CIB1: variants seen among roughly 807,000 people sequenced by gnomAD.
CIB1 encodes the protein calcium and integrin-binding protein 1.
In CIB1, 19 loss-of-function variants were observed where a neutral mutation model predicts 25.0. The ratio of observed to expected loss-of-function variants is 0.76; its 90% CI spans 0.53 to 1.12. The LOEUF (loss-of-function observed/expected upper bound fraction) is 1.12, where lower values mean the gene tolerates loss of function less well. Ranked by LOEUF, CIB1 falls within the 50% of genes most tolerant of loss-of-function variation. The pLI, the probability that CIB1 is intolerant of heterozygous loss-of-function variation, is 0.00. For missense variants in CIB1, 236 were observed against 242.6 expected (o/e 0.97, Z 0.18); for synonymous variants, 104 against 98.5 (o/e 1.06, Z -0.33).
At chr15:90,235,672 A>G (rs1363010151), upstream of CIB1, among the ~76,000 whole-genome samples, 2 of 150,516 alleles carry the variant, frequency 1.3e-5, no homozygotes, top group African/African-American at 4.9e-5. Context: ...GGTTCACGCC[A>G]TTCTTCTACC....
At chr15:90,238,726 A>T (rs937246813), upstream of CIB1, among the ~76,000 whole-genome samples, 3 of 152,202 alleles carry the variant, frequency 2.0e-5, no homozygotes, top group Non-Finnish European at 2.9e-5. Flanking sequence ...AAATGTTTCT[A>T]TGCATGACCA....
chr15:90,264,141 T>A, the CIB1 span: 1 of 804,858 alleles, frequency 1.2e-6, no homozygotes, highest in Non-Finnish European at 2.0e-6. Flanking sequence ...CCCTAAAATA[T>A]AATATGGCAC....
At chr15:90,261,380 CT>C in the CIB1 span, among the ~76,000 whole-genome samples, 58,599 of 141,262 alleles carry the variant, frequency 0.41, 12,135 homozygotes, top group East Asian at 0.7. Flanking sequence ...TGCCCGGCCA[CT>C]TTTTTTTTTT....
At chr15:90,240,839 C>T in the CIB1 span, 5 of 1,021,670 alleles carry the variant, frequency 4.9e-6, no homozygotes, top group Non-Finnish European at 1.5e-6. Flanking sequence ...TAAATAAATA[C>T]AATGACAATC....
the CIB1 span, chr15:90,256,337 C>T: frequency 6.2e-7 from 1 of 1,612,132 alleles, no homozygotes; most frequent in Non-Finnish European, 8.5e-7. Context: ...CCCTAGTCCC[C>T]AGCACTGGGC....
chr15:90,252,778 G>A, the CIB1 span, among the ~76,000 whole-genome samples: 2 of 152,114 alleles, frequency 1.3e-5, no homozygotes, highest in African/African-American at 4.8e-5. Context: ...CAAGGCAGGC[G>A]AATCTCCTGA....
chr15:90,233,307 A>C (rs551711694), intron 2 of CIB1, among the ~76,000 whole-genome samples: 2 of 152,378 alleles, frequency 1.3e-5, no homozygotes, highest in South Asian at 4.1e-4. Context: ...TTATTCAGGT[A>C]AAGTTGGGAG....
chr15:90,264,117 T>C, the CIB1 span: 2 of 1,105,354 alleles, frequency 1.8e-6, no homozygotes, highest in Non-Finnish European at 2.6e-6. Flanking sequence ...CTAGCAAGCA[T>C]AGAGCTTGGA....
chr15:90,263,027 A>G, the CIB1 span: 1 of 1,536,124 alleles, frequency 6.5e-7, no homozygotes, highest in Non-Finnish European at 8.7e-7. Context: ...GAGGAGCTGG[A>G]GCGGATGAAG....
chr15:90,265,725 C>T, the CIB1 span: 1 of 1,613,398 alleles, frequency 6.2e-7, no homozygotes, highest in South Asian at 1.1e-5. Context: ...GGCGGTTACC[C>T]TGAGTCTCTT....
At chr15:90,239,918 C>T in the CIB1 span, among the ~76,000 whole-genome samples, 1 of 149,878 alleles carries the variant, frequency 6.7e-6, no homozygotes, top group Non-Finnish European at 1.5e-5. Flanking sequence ...GAGTGAGAAC[C>T]TGTTTCAAAA....
At chr15:90,236,611 G>A (rs138354057), upstream of CIB1, among the ~76,000 whole-genome samples, 885 of 152,154 alleles carry the variant, frequency 5.8e-3, 7 homozygotes, top group Admixed American at 0.01. Flanking sequence ...TTGGCTTACT[G>A]CAACCTCTGC....
the CIB1 span, chr15:90,256,428 A>C: frequency 8.8e-7 from 1 of 1,140,872 alleles, no homozygotes; most frequent in Non-Finnish European, 1.3e-6. Context: ...TCCTGGAGGC[A>C]GTATCCAGCC....
Position 90,230,982 on chromosome 15 carries a change from T to C in CIB1, c.506A>G (p.Asn169Ser), listed in dbSNP as rs1476470839. 6 of 1,613,984 alleles carry C rather than the reference T, an allele frequency of 3.7e-6. No individual in the cohort carries two copies. The highest frequency in any genetic ancestry group is 2.5e-6 in the Non-Finnish European group (3 of 1,179,992). ...ESDIDRDGTI[N>S]LSEFQHVISR... ...GATGACGTGCTGGAACTCAGAGAGGTTGATGGTTCCATCCCTGTCAATGTC... is the reference window on the plus strand; with the variant it reads ...GATGACGTGCTGGAACTCAGAGAGGCTGATGGTTCCATCCCTGTCAATGTC... The change falls in exon 6 of 7, where the codon AAC (asparagine) becomes AGC (serine). Residue 169 changes from asparagine to serine, a missense_variant. Coordinates refer to ENST00000328649, the MANE Select transcript of CIB1 (RefSeq NM_006384.4).
At chr15:90,263,519 G>C in the CIB1 span, 1 of 532,888 alleles carries the variant, frequency 1.9e-6, no homozygotes, top group Non-Finnish European at 3.3e-6. Flanking sequence ...TCTAATGGGA[G>C]ATAAGTAAAC....
the CIB1 span, chr15:90,257,032 G>A: frequency 3.7e-6 from 4 of 1,093,350 alleles, no homozygotes; most frequent in Non-Finnish European, 1.3e-6. Flanking sequence ...TATTTTACAT[G>A]GTTATTGTGG....
chr15:90,246,173 T>G, the CIB1 span, among the ~76,000 whole-genome samples: 1 of 152,082 alleles, frequency 6.6e-6, no homozygotes, highest in East Asian at 1.9e-4. Flanking sequence ...CTCAGGAGGC[T>G]GAGGCGGAAG....
At chr15:90,240,807 C>G in the CIB1 span, 14 of 783,444 alleles carry the variant, frequency 1.8e-5, no homozygotes, top group Non-Finnish European at 2.8e-5. Flanking sequence ...GAGTGAGACT[C>G]CATCTCAAAA....
At chr15:90,257,804 T>C in the CIB1 span, 1 of 1,399,152 alleles carries the variant, frequency 7.1e-7, no homozygotes, top group Non-Finnish European at 1.0e-6. Context: ...AGCTGGCTCT[T>C]GGGAGGCTAA....
Sources: gnomAD v4.1 joint callset for allele counts (sites outside exome capture counted in the v4.1 genomes callset) on GRCh38, gnomAD v4.1.1 for gene constraint, MANE v1.5 for transcripts, NCBI Gene and HGNC (gene_info 2026-07-23, HGNC 2026-07-21) for gene names.